Variants in KCNT2 observed in about 807,000 individuals in gnomAD.
The protein encoded by KCNT2 is potassium sodium-activated channel subfamily T member 2, also known as potassium channel subfamily T member 2.
In KCNT2, 67 loss-of-function variants were observed where a neutral mutation model predicts 153.8. The ratio of observed to expected loss-of-function variants is 0.44; its 90% CI spans 0.36 to 0.53. The LOEUF (loss-of-function observed/expected upper bound fraction) is 0.53, where lower values mean the gene tolerates loss of function less well. Among genes scored for constraint, KCNT2 ranks in the 20% least tolerant of loss-of-function variants. KCNT2 has a pLI of 0.00. For synonymous variants in KCNT2, 500 were observed against 458.8 expected (o/e 1.09, Z -1.15); for missense variants, 975 against 1,354.8 (o/e 0.72, Z 4.40).
At chr1:196,283,085 C>T (rs1371569355) in intron 23 of KCNT2, among the ~76,000 whole-genome samples, 2 of 152,290 alleles carry the variant, frequency 1.3e-5, no homozygotes, top group South Asian at 2.1e-4. Context: ...CTCAAGTGAT[C>T]GCCTGCCTTG....
intron 5 of KCNT2, among the ~76,000 whole-genome samples, chr1:196,473,771 G>A (rs1006726104): frequency 6.6e-6 from 1 of 151,962 alleles, no homozygotes; most frequent in Non-Finnish European, 1.5e-5. Flanking sequence ...CCAAAAAGGA[G>A]TCCCAATAAG....
chr1:196,358,570 C>G (rs1667364811), intron 14 of KCNT2, among the ~76,000 whole-genome samples: 1 of 151,846 alleles, frequency 6.6e-6, no homozygotes, highest in South Asian at 2.1e-4. Flanking sequence ...TTATACTACT[C>G]TACTTTTCAA....
At chr1:196,480,956 A>G (rs1678974174) in intron 4 of KCNT2, among the ~76,000 whole-genome samples, 1 of 151,616 alleles carries the variant, frequency 6.6e-6, no homozygotes, top group Non-Finnish European at 1.5e-5. Context: ...ATATTTGAAG[A>G]TAATATATGG....
At chr1:196,446,536 A>G (rs904133013) in intron 8 of KCNT2, among the ~76,000 whole-genome samples, 9 of 151,480 alleles carry the variant, frequency 5.9e-5, no homozygotes, top group Non-Finnish European at 1.0e-4. Flanking sequence ...CACTCTACTC[A>G]TAGGAGGTAG....
intron 8 of KCNT2, among the ~76,000 whole-genome samples, chr1:196,448,568 T>C (rs1178418304): frequency 1.3e-5 from 2 of 149,330 alleles, no homozygotes; most frequent in African/African-American, 5.1e-5. Context: ...ATAATGTTTA[T>C]ACAATGTTTA....
chr1:196,552,800 G>GT (rs892953301), intron 1 of KCNT2, among the ~76,000 whole-genome samples: 6 of 151,148 alleles, frequency 4.0e-5, no homozygotes, highest in Non-Finnish European at 8.9e-5. Flanking sequence ...GTTTTTAATA[G>GT]TTTTTTTCAT....
intron 4 of KCNT2, 111 bp from the exon 5 acceptor site, chr1:196,479,349 G>T (rs905568580): frequency 4.8e-6 from 3 of 625,938 alleles, no homozygotes; most frequent in Admixed American, 3.2e-5. Flanking sequence ...ACATATATGG[G>T]TGTATAATAG....
intron 8 of KCNT2, among the ~76,000 whole-genome samples, chr1:196,464,677 T>G (rs1677452933): frequency 6.6e-6 from 1 of 152,010 alleles, no homozygotes; most frequent in Non-Finnish European, 1.5e-5. Flanking sequence ...ATTAAGGATC[T>G]GAATGAATCC....
chr1:196,577,179 G>C (rs1343122021), intron 1 of KCNT2, among the ~76,000 whole-genome samples: 1 of 151,974 alleles, frequency 6.6e-6, no homozygotes, highest in Non-Finnish European at 1.5e-5. Flanking sequence ...TAGAGTAATA[G>C]GTACCAGATT....
At chr1:196,435,885 A>C (rs1674610216) in intron 8 of KCNT2, among the ~76,000 whole-genome samples, 2 of 151,642 alleles carry the variant, frequency 1.3e-5, no homozygotes, top group Non-Finnish European at 3.0e-5. Flanking sequence ...TCACCTCCTC[A>C]AAGAGTTGAA....
intron 9 of KCNT2, 35 bp from the exon 10 acceptor site, chr1:196,428,304 C>A: frequency 6.7e-7 from 1 of 1,501,776 alleles, no homozygotes; most frequent in East Asian, 2.3e-5. Context: ...ATGAAAAACA[C>A]AGTAAGGAAA....
chr1:196,360,450 C>G (rs1227378109), intron 14 of KCNT2, among the ~76,000 whole-genome samples: 1 of 151,986 alleles, frequency 6.6e-6, no homozygotes, highest in Non-Finnish European at 1.5e-5. Flanking sequence ...TCAGTAGAAC[C>G]CATGGTGTCC....
rs747322736 is a variant in KCNT2 at position 196,423,032 on chromosome 1, A to G, written c.1185+18T>C. The stretch of plus-strand genomic sequence containing the variant: ...AAATGGAAAGCACAACTTACTAAAA[A>G]AGATTTTAGAAACTTACAGATGATG... On this transcript the variant is annotated intron_variant, in intron 12 of 27. Coordinates refer to ENST00000294725, the MANE Select transcript of KCNT2 (RefSeq NM_198503.5). The G allele has an allele frequency of 5.3e-6, 8 of 1,513,816 alleles. No homozygotes were observed. In the South Asian group the frequency reaches 8.9e-5, roughly 17 times the overall value. The allele number at this position is 1,513,816 out of a possible 1,614,324, so 93.8% of individuals were successfully genotyped here.
intron 20 of KCNT2, among the ~76,000 whole-genome samples, chr1:196,318,386 T>C (rs992771947): frequency 6.6e-6 from 1 of 151,812 alleles, no homozygotes; most frequent in Non-Finnish European, 1.5e-5. Context: ...TTCTGTTTTA[T>C]TTCTGTCCCT....
intron 26 of KCNT2, among the ~76,000 whole-genome samples, chr1:196,240,603 G>C (rs1457567376): frequency 6.6e-6 from 1 of 152,008 alleles, no homozygotes; most frequent in Non-Finnish European, 1.5e-5. Context: ...ACAGATAGAA[G>C]GGCAAATGGC....
chr1:196,377,348 G>A (rs1054908008), intron 13 of KCNT2, among the ~76,000 whole-genome samples: 1 of 151,514 alleles, frequency 6.6e-6, no homozygotes, highest in Non-Finnish European at 1.5e-5. Context: ...TTGGTGGGGG[G>A]GAGAATTTCA....
At chr1:196,528,629 T>A (rs1654555750) in intron 1 of KCNT2, among the ~76,000 whole-genome samples, 1 of 152,188 alleles carries the variant, frequency 6.6e-6, no homozygotes, top group Non-Finnish European at 1.5e-5. Context: ...TAGTTTTAAG[T>A]GTTGATCGTA....
At chr1:196,495,593 C>G (rs1680190535) in intron 1 of KCNT2, among the ~76,000 whole-genome samples, 1 of 151,958 alleles carries the variant, frequency 6.6e-6, no homozygotes. Context: ...TTACTTACAT[C>G]TAGTAGACTA....
At chr1:196,267,568 G>A (rs954355354) in intron 25 of KCNT2, among the ~76,000 whole-genome samples, 3 of 152,136 alleles carry the variant, frequency 2.0e-5, no homozygotes, top group Non-Finnish European at 4.4e-5. Flanking sequence ...AATTACAATA[G>A]GCAATCACAT....
Sources: allele counts gnomAD v4.1 joint callset (sites outside exome capture counted in the v4.1 genomes callset), GRCh38; gene constraint gnomAD v4.1.1; transcripts MANE v1.5; gene names NCBI Gene and HGNC (gene_info 2026-07-23, HGNC 2026-07-21).